Variants in PYROXD1 observed in about 807,000 individuals in gnomAD.
PYROXD1 encodes pyridine nucleotide-disulphide oxidoreductase domain 1.
In PYROXD1, 42 loss-of-function variants were observed where a neutral mutation model predicts 62.0. The ratio of observed to expected loss-of-function variants is 0.68; its 90% CI spans 0.53 to 0.88. The LOEUF is 0.88. Ranked by LOEUF, PYROXD1 falls within the 40% of genes least tolerant of loss-of-function variation. PYROXD1 has a pLI of 0.00. For synonymous variants in PYROXD1, 170 were observed against 206.4 expected, an observed-to-expected ratio of 0.82 and a Z score of 1.51; for missense variants, 493 against 604.8, an observed-to-expected ratio of 0.82 and a Z score of 1.94.
At chr12:21,448,925 T>G (rs1308660946) in intron 3 of PYROXD1, among the ~76,000 whole-genome samples, 1 of 152,160 alleles carries the variant, frequency 6.6e-6, no homozygotes, top group African/African-American at 2.4e-5. Context: ...ATTTTTTACT[T>G]ATACTAAAAT....
rs548009328 is a variant in PYROXD1 at position 21,467,907 on chromosome 12, CCTTT to C, written c.1254+294_1254+297del. 2.2e-3 allele frequency among the ~76,000 whole-genome samples: 333 copies of C among 151,914 alleles called. 1 individual carries two copies. The highest frequency in any genetic ancestry group is 7.9e-3 in the African/African-American group (327 of 41,458). On this transcript the variant is annotated intron_variant, in intron 11 of 11. Coordinates refer to ENST00000240651, the MANE Select transcript of PYROXD1 (RefSeq NM_024854.5). The stretch of plus-strand genomic sequence containing the variant: ...TTTTTAACTTTTACTTGTGATTCAT[CCTTT>C]CTTTGTGAGGGGAACTAACTGCTGT...
chr12:21,464,512 C>T (rs908600717), intron 10 of PYROXD1, among the ~76,000 whole-genome samples: 1 of 151,866 alleles, frequency 6.6e-6, no homozygotes, highest in Non-Finnish European at 1.5e-5. Flanking sequence ...ATTATTTCTG[C>T]AAACAAAAGA....
intron 7 of PYROXD1, among the ~76,000 whole-genome samples, chr12:21,460,710 C>T (rs1025593134): frequency 1.3e-5 from 2 of 152,284 alleles, no homozygotes; most frequent in South Asian, 4.1e-4. Context: ...CAGGCGTGAG[C>T]CACTGTGCCC....
chr12:21,456,032 T>G lies in PYROXD1; in HGVS notation c.687T>G (p.Asp229Glu). ...KKEARSKSKA[D>E]NVGSALGPDW... ...AAGCTAGAAGCAAATCTAAAGCAGA[T>G]AATGTAGGAAGTGCATTGGGACCAG... Residue 229 changes from aspartate (D) to glutamate (E), a missense_variant, in exon 7 of 12, where the codon GAT (aspartate) becomes GAG (glutamate). Asp to Glu is a conservative substitution (Grantham distance 45). Transcript: ENST00000240651. 1 of 1,611,798 alleles carries G rather than the reference T, an allele frequency of 6.2e-7. No individual in the cohort carries two copies. Among genetic ancestry groups the G allele is most frequent in the Non-Finnish European group, 8.5e-7 (1 of 1,178,792 alleles).
At chr12:21,438,705 C>G (rs965953360) in intron 1 of PYROXD1, among the ~76,000 whole-genome samples, 3 of 152,094 alleles carry the variant, frequency 2.0e-5, no homozygotes, top group African/African-American at 4.8e-5. Context: ...CCAAAAAGTT[C>G]TACATTATTT....
intron 2 of PYROXD1, 64 bp downstream of exon 2, chr12:21,440,512 T>A (rs1942274348): frequency 1.2e-6 from 1 of 861,608 alleles, no homozygotes. Context: ...TGCATAGCAG[T>A]TAGGGTAATT....
intron 7 of PYROXD1, among the ~76,000 whole-genome samples, chr12:21,457,939 G>A (rs1442214920): frequency 1.4e-5 from 2 of 144,704 alleles, no homozygotes; most frequent in Non-Finnish European, 3.1e-5. Flanking sequence ...ATTTACAGAG[G>A]ACAGGCAGGG....
chr12:21,448,771 C>T (rs1023376682), intron 3 of PYROXD1, among the ~76,000 whole-genome samples: 3 of 152,098 alleles, frequency 2.0e-5, no homozygotes, highest in African/African-American at 7.2e-5. Context: ...TAAATGTTTT[C>T]TAAAGGCTAC....
chr12:21,448,734 T>C (rs1942438432), intron 3 of PYROXD1, among the ~76,000 whole-genome samples: 1 of 152,224 alleles, frequency 6.6e-6, no homozygotes, highest in Admixed American at 6.5e-5. Context: ...AAGTTGAGCA[T>C]CTCTCATAGT....
At chr12:21,467,726 T>A in intron 11 of PYROXD1, 108 bp downstream of exon 11, 2 of 852,928 alleles carry the variant, frequency 2.3e-6, no homozygotes, top group African/African-American at 1.7e-5. Context: ...TTTAATCATC[T>A]ACAAAAAAAT....
intron 4 of PYROXD1, among the ~76,000 whole-genome samples, chr12:21,451,225 C>G (rs1942490879): frequency 9.4e-6 from 1 of 106,460 alleles, no homozygotes; most frequent in African/African-American, 3.6e-5. Context: ...TGGCTTCTCT[C>G]TCTCTTTTTT....
chr12:21,459,829 A>G (rs896817409), intron 7 of PYROXD1, among the ~76,000 whole-genome samples: 1 of 152,196 alleles, frequency 6.6e-6, no homozygotes, highest in African/African-American at 2.4e-5. Flanking sequence ...GTTTTTTCCT[A>G]TATCCTCAGA....
intron 10 of PYROXD1, among the ~76,000 whole-genome samples, chr12:21,463,741 A>G (rs1942741743): frequency 6.6e-6 from 1 of 151,694 alleles, no homozygotes; most frequent in African/African-American, 2.4e-5. Flanking sequence ...CTGAGCCTTA[A>G]CAAGTCCCAA....
At chr12:21,459,476 C>T (rs988632361) in intron 7 of PYROXD1, among the ~76,000 whole-genome samples, 2 of 152,174 alleles carry the variant, frequency 1.3e-5, no homozygotes, top group African/African-American at 4.8e-5. Context: ...AAGTGTTTCC[C>T]CAAATTCTGT....
chr12:21,453,956 C>T (rs558212756), intron 5 of PYROXD1, among the ~76,000 whole-genome samples: 26 of 151,970 alleles, frequency 1.7e-4, no homozygotes, highest in African/African-American at 5.3e-4. Context: ...TTCCACTTTC[C>T]GCTGGTCAGT....
At chr12:21,455,477 T>A (rs868275832) in intron 6 of PYROXD1, among the ~76,000 whole-genome samples, 185 bp downstream of exon 6, 2 of 145,612 alleles carry the variant, frequency 1.4e-5, no homozygotes, top group Middle Eastern at 3.6e-3. Flanking sequence ...TATATATATA[T>A]AATTAAAACA....
chr12:21,438,948 A>G (rs1942245753), intron 1 of PYROXD1, among the ~76,000 whole-genome samples: 1 of 152,238 alleles, frequency 6.6e-6, no homozygotes, highest in Admixed American at 6.5e-5. Flanking sequence ...TGTCTATGCA[A>G]GAGATATCAA....
intron 10 of PYROXD1, among the ~76,000 whole-genome samples, chr12:21,464,604 A>G (rs1017427366): frequency 7.2e-5 from 11 of 152,212 alleles, no homozygotes; most frequent in South Asian, 4.1e-4. Context: ...AATTCTCTCA[A>G]TAGTTACAGA....
At chr12:21,454,372 C>T (rs764961058) in intron 5 of PYROXD1, among the ~76,000 whole-genome samples, 1 of 151,812 alleles carries the variant, frequency 6.6e-6, no homozygotes, top group South Asian at 2.1e-4. Context: ...CCAGTTGTAC[C>T]AAAAATGATT....
Sources: allele counts gnomAD v4.1 joint callset (sites outside exome capture counted in the v4.1 genomes callset), GRCh38; gene constraint gnomAD v4.1.1; transcripts MANE v1.5; gene names NCBI Gene and HGNC (gene_info 2026-07-23, HGNC 2026-07-21).